Variants in MARVELD3 observed in about 807,000 individuals in gnomAD.
The protein encoded by MARVELD3 is MARVEL domain containing 3, also known as MARVEL domain-containing protein 3.
In MARVELD3, 28 loss-of-function variants were observed where a neutral mutation model predicts 33.5. The observed-to-expected ratio is 0.84, with a 90% confidence interval of 0.62 to 1.15. The LOEUF (loss-of-function observed/expected upper bound fraction) is 1.15. Among genes scored for constraint, MARVELD3 ranks in the 50% most tolerant of loss-of-function variants. MARVELD3 has a pLI of 0.00. For synonymous variants in MARVELD3, 241 were observed against 230.4 expected (o/e 1.05, Z -0.42); for missense variants, 582 against 547.6 (o/e 1.06, Z -0.63).
chr16:71,627,776 T>TG lies in MARVELD3; in HGVS notation c.467+1088dup, dbSNP rs960391475. Among the ~76,000 whole-genome samples, 80 of 9,890 alleles carry TG rather than the reference T, an allele frequency of 8.1e-3. 1 individual carries two copies. The highest frequency in any genetic ancestry group is 0.056 in the East Asian group (18 of 324). 6.5% of individuals were successfully genotyped at this position (9,890 alleles called of 152,430 possible). On this transcript the variant is annotated intron_variant, in intron 1 of 2. Coordinates refer to ENST00000268485, the MANE Select transcript of MARVELD3 (RefSeq NM_052858.6). Reference sequence around the variant, plus strand: ...GAAGACTCTGTGAGCTAGGGGAGGGTGGGGGGGGAAGGGAAGACAAGAGGG... The same window carrying TG: ...GAAGACTCTGTGAGCTAGGGGAGGGTGGGGGGGGGAAGGGAAGACAAGAGGG...
chr16:71,633,615 A>C (rs2044552939), intron 2 of MARVELD3, among the ~76,000 whole-genome samples: 1 of 151,550 alleles, frequency 6.6e-6, no homozygotes, highest in South Asian at 2.1e-4. Context: ...GGCTGGTCTC[A>C]AACTCCTGAC....
Position 71,626,449 on chromosome 16 carries a change from G to T in MARVELD3, c.220G>T (p.Asp74Tyr). Residue 74 changes from aspartate (D) to tyrosine (Y), a missense_variant, in exon 1 of 3, where the codon GAC becomes TAC. Physicochemically the swap from Asp to Tyr is radical, Grantham distance 160. Transcript: ENST00000268485. This position sits in a 1 kb window ranked among gnomAD's most constrained non-coding sequence, Gnocchi z 5.3. ...GGACGGGAACCGCGACCGGAACCGG[G>T]ACCGGGAGAGGGAGAGAGAGAGGGA... ...ERDGNRDRNR[D>Y]RERERERERD... 7 of 1,549,242 alleles carry T rather than the reference G, an allele frequency of 4.5e-6. No individual in the cohort carries two copies. The highest frequency in any genetic ancestry group is 6.1e-6 in the Non-Finnish European group (7 of 1,146,784).
chr16:71,627,600 T>A (rs2044487560), intron 1 of MARVELD3, among the ~76,000 whole-genome samples: 1 of 152,178 alleles, frequency 6.6e-6, no homozygotes, highest in African/African-American at 2.4e-5. Flanking sequence ...AGGTTTGTTT[T>A]CCCTTTTGCC....
At position 71,635,871 on chromosome 16, in the gene MARVELD3, GC is replaced by G; in HGVS notation, c.*1069del. 1.0e-6 allele frequency: 1 copy of G among 985,362 alleles called. No homozygotes were observed. The highest frequency in any genetic ancestry group is 1.2e-6 in the Non-Finnish European group (1 of 829,926). 61.0% of individuals were successfully genotyped at this position (985,362 alleles called of 1,614,324 possible). On this transcript the variant is annotated 3_prime_UTR_variant, in exon 3 of 3. Coordinates refer to ENST00000268485, the MANE Select transcript of MARVELD3 (RefSeq NM_052858.6). ...GATTAATTCTCTGGGTTGCAAAGAG[GC>G]TATTCTGCAAGCCCCTTACAGTGGC...
At position 71,634,543 on chromosome 16, in the gene MARVELD3, G is replaced by A. The variant is rs750336210; in HGVS notation, c.946G>A (p.Gly316Arg). The A allele has an allele frequency of 6.2e-7, 1 of 1,614,144 alleles. No individual in the cohort carries two copies. Among genetic ancestry groups the A allele is most frequent in the Non-Finnish European group, 8.5e-7 (1 of 1,180,036 alleles). The change falls in exon 3 of 3, where the codon GGG becomes AGG. Residue 316 changes from glycine (G) to arginine (R), a missense_variant. Physicochemically the swap from Gly to Arg is moderately radical, Grantham distance 125. Coordinates refer to ENST00000268485, the MANE Select transcript of MARVELD3 (RefSeq NM_052858.6). ...CTTGTTGGACATGCTCATCGCGGGG[G>A]GGTACATCCCGGCCTTGTACTTCTA... ...EGLLDMLIAG[G>R]YIPALYFYFH...
intron 2 of MARVELD3, 42 bp downstream of exon 2, chr16:71,629,536 G>A: frequency 6.5e-7 from 1 of 1,532,820 alleles, no homozygotes; most frequent in Non-Finnish European, 8.7e-7. Flanking sequence ...ACTGTCACTG[G>A]TGGTTCTGGA....
At chr16:71,629,220 G>C in intron 1 of MARVELD3, 147 bp from the exon 2 acceptor site, 3 of 937,740 alleles carry the variant, frequency 3.2e-6, no homozygotes, top group Non-Finnish European at 3.0e-6. Context: ...CACTAAACCA[G>C]AGAATTCTCT....
chr16:71,640,690 G>A, downstream of MARVELD3: 1 of 1,614,248 alleles, frequency 6.2e-7, no homozygotes, highest in Non-Finnish European at 8.5e-7. Context: ...TCAGGGAAGT[G>A]GCTCCTCACG....
chr16:71,629,491 A>T lies in MARVELD3; in HGVS notation c.592A>T (p.Arg198Ter), dbSNP rs143759600. The change falls in exon 2 of 3, where the codon AGA becomes TGA. Residue 198 changes from arginine to a stop codon, truncating the protein, a stop_gained. Coordinates refer to ENST00000268485, the MANE Select transcript of MARVELD3 (RefSeq NM_052858.6). LOFTEE classifies it high-confidence loss of function. ...CHKCKYLCTG[R>*]ACCQMLEVLL... The stretch of plus-strand genomic sequence containing the variant: ...CAAATGCAAATACTTGTGCACTGGG[A>T]GAGGTGAGCCGTTTTGCAGGCTGTT... The T allele has an allele frequency of 1.8e-5, 29 of 1,568,208 alleles. No individual in the cohort carries two copies. The highest frequency in any genetic ancestry group is 2.8e-5 in the African/African-American group (2 of 71,974).
Position 71,634,370 on chromosome 16 carries a change from T to C in MARVELD3, c.773T>C (p.Leu258Pro). Residue 258 changes from leucine to proline, a missense_variant, in exon 3 of 3, where the codon CTG becomes CCG. Physicochemically the swap from Leu to Pro is moderately conservative, Grantham distance 98 (BLOSUM62 -3). Transcript: ENST00000268485. ...GCTGACGGGGAGAAGGCCCAGCAAC[T>C]GGATGTCCAGTTCTACCAGCTAAAG... is the stretch of plus-strand genomic sequence containing the variant. ...DGADGEKAQQ[L>P]DVQFYQLKLP... 6.2e-7 allele frequency: 1 copy of C among 1,614,212 alleles called. No individual in the cohort carries two copies. Among genetic ancestry groups the C allele is most frequent in the Non-Finnish European group, 8.5e-7 (1 of 1,180,024 alleles).
chr16:71,634,694 T>G lies in MARVELD3; in HGVS notation c.1097T>G (p.Phe366Cys), dbSNP rs2145281822. Residue 366 changes from phenylalanine to cysteine, a missense_variant, in exon 3 of 3, where the codon TTT becomes TGT. Phe to Cys is a radical substitution (Grantham distance 205). Coordinates refer to ENST00000268485, the MANE Select transcript of MARVELD3 (RefSeq NM_052858.6). ...GGAGCAGATATAGGAGCTGGAATCTTTGCTGCCCTGGGCATTGTGGTCTTT... is the reference window on the plus strand; with the variant it reads ...GGAGCAGATATAGGAGCTGGAATCTGTGCTGCCCTGGGCATTGTGGTCTTT... Reference protein sequence around the residue: ...FHGADIGAGIFAALGIVVFAL... With the variant: ...FHGADIGAGICAALGIVVFAL... 6.2e-7 allele frequency: 1 copy of G among 1,614,226 alleles called. No homozygotes were observed. Among genetic ancestry groups the G allele is most frequent in the Non-Finnish European group, 8.5e-7 (1 of 1,180,044 alleles).
intron 2 of MARVELD3, among the ~76,000 whole-genome samples, chr16:71,631,353 G>A (rs993661536): frequency 7.2e-5 from 11 of 152,048 alleles, no homozygotes; most frequent in African/African-American, 2.7e-4. Context: ...TATTCACAGT[G>A]ATTTTTTTAA....
At chr16:71,640,582 G>C (rs770140414), downstream of MARVELD3, 7 of 1,614,052 alleles carry the variant, frequency 4.3e-6, no homozygotes, top group African/African-American at 6.7e-5. Flanking sequence ...ACGATCCTCC[G>C]CTCGCCCCTG....
intron 2 of MARVELD3, among the ~76,000 whole-genome samples, chr16:71,633,765 G>A (rs866082475): frequency 4.7e-5 from 7 of 150,460 alleles, no homozygotes; most frequent in African/African-American, 7.4e-5. Context: ...TCAAACTCCT[G>A]GGCTCAAGCA....
chr16:71,634,312 C>G lies in MARVELD3; in HGVS notation c.715C>G (p.Gln239Glu). Reference protein sequence around the residue: ...ITSLGGIYYYQFGGAYSGFDG... With the variant: ...ITSLGGIYYYEFGGAYSGFDG... ...CAGCTTGGGGGGCATTTACTACTAT[C>G]AGTTCGGAGGGGCTTACAGTGGCTT... Residue 239 changes from glutamine (Q) to glutamate (E), a missense_variant, in exon 3 of 3, where the codon CAG becomes GAG. Physicochemically the swap from Gln to Glu is conservative, Grantham distance 29. Transcript: ENST00000268485. 1 of 1,614,194 alleles carries G rather than the reference C, an allele frequency of 6.2e-7. No individual in the cohort carries two copies. The highest frequency in any genetic ancestry group is 8.5e-7 in the Non-Finnish European group (1 of 1,180,030).
chr16:71,626,797 C>T lies in MARVELD3; in HGVS notation c.467+101C>T. 1 of 1,012,846 alleles carries T rather than the reference C, an allele frequency of 9.9e-7. No individual in the cohort carries two copies. The highest frequency in any genetic ancestry group is 1.3e-6 in the Non-Finnish European group (1 of 748,076). 62.7% of individuals were successfully genotyped at this position (1,012,846 alleles called of 1,614,324 possible). A position where few individuals can be genotyped will look rare whatever the true frequency, so the allele number is the denominator to read the frequency against. On this transcript the variant is annotated intron_variant, in intron 1 of 2. Transcript: ENST00000268485. This position sits in a 1 kb window ranked among gnomAD's most constrained non-coding sequence, Gnocchi z 5.3. ...TCCCCGGGTTCTCGTCCTAGGAGCCCGTTTAAATGAACAAATGCCGTTTCT... is the reference window on the plus strand; with the variant it reads ...TCCCCGGGTTCTCGTCCTAGGAGCCTGTTTAAATGAACAAATGCCGTTTCT...
chr16:71,641,382 G>A (rs2044618196), downstream of MARVELD3: 1 of 196,212 alleles, frequency 5.1e-6, no homozygotes, highest in Non-Finnish European at 1.1e-5. Context: ...GAGGTCAGGT[G>A]TTTGAAACCA....
intron 2 of MARVELD3, among the ~76,000 whole-genome samples, chr16:71,629,935 A>G (rs1431258881): frequency 1.3e-5 from 2 of 152,142 alleles, no homozygotes; most frequent in Non-Finnish European, 2.9e-5. Flanking sequence ...CATTTGATCA[A>G]TGGCTTTTAA....
rs376026417 is a variant in MARVELD3, at chr16:71,626,457, G to C, written c.228G>C (p.Glu76Asp). The stretch of plus-strand genomic sequence containing the variant: ...ACCGCGACCGGAACCGGGACCGGGA[G>C]AGGGAGAGAGAGAGGGAAAGAGACC... Reference protein sequence around the residue: ...DGNRDRNRDRERERERERDPD... With the variant: ...DGNRDRNRDRDRERERERDPD... Residue 76 changes from glutamate to aspartate, a missense_variant, in exon 1 of 3, where the codon GAG becomes GAC. By Grantham distance (45) the Glu-to-Asp change is conservative. Coordinates refer to ENST00000268485, the MANE Select transcript of MARVELD3 (RefSeq NM_052858.6). This position sits in a 1 kb window ranked among gnomAD's most constrained non-coding sequence, Gnocchi z 5.3. 3.2e-6 allele frequency: 5 copies of C among 1,549,246 alleles called. No homozygotes were observed. The African/African-American group carries it at 5.5e-5, about 17-fold the overall frequency.
Sources: allele counts gnomAD v4.1 joint callset (sites outside exome capture counted in the v4.1 genomes callset), GRCh38; gene constraint gnomAD v4.1.1; non-coding constraint Gnocchi (gnomAD v3.1); transcripts MANE v1.5; gene names NCBI Gene and HGNC (gene_info 2026-07-23, HGNC 2026-07-21).